The following AKAP13 variants were observed in gnomAD, a reference collection of about 807,000 sequenced individuals.
AKAP13 encodes A-kinase anchor protein 13.
A neutral mutation model predicts 264.5 loss-of-function variants in AKAP13; 80 were observed. The observed-to-expected ratio is 0.30, with a 90% CI of 0.25 to 0.36. AKAP13 has a LOEUF of 0.36. Ranked by LOEUF, AKAP13 falls within the 10% of genes least tolerant of loss-of-function variation. AKAP13 has a pLI of 1.00. For missense variants in AKAP13, 3,712 were observed against 3,435.2 expected (o/e 1.08, Z -2.01); for synonymous variants, 1,380 against 1,250.2 (o/e 1.10, Z -2.19).
intron 17 of AKAP13, among the ~76,000 whole-genome samples, chr15:85,694,154 T>C (rs1364681217): frequency 6.6e-6 from 1 of 152,238 alleles, no homozygotes; most frequent in Non-Finnish European, 1.5e-5. Context: ...TTTTATTCTA[T>C]TACTTTGGTA....
At chr15:85,725,217 T>C (rs537010703) in intron 26 of AKAP13, among the ~76,000 whole-genome samples, 2 of 152,176 alleles carry the variant, frequency 1.3e-5, no homozygotes, top group South Asian at 2.1e-4. Flanking sequence ...GAGATAGGAG[T>C]TGGTGTTTAG....
intron 8 of AKAP13, among the ~76,000 whole-genome samples, chr15:85,635,820 A>G (rs889184649): frequency 5.3e-5 from 8 of 152,166 alleles, no homozygotes; most frequent in African/African-American, 1.9e-4. Context: ...TCATTTGTTC[A>G]TAAGACTATT....
intron 1 of AKAP13, among the ~76,000 whole-genome samples, chr15:85,468,932 T>TTTTTTTGAGACGG (rs1567072793): frequency 7.3e-6 from 1 of 137,614 alleles, no homozygotes; most frequent in African/African-American, 3.0e-5. Flanking sequence ...TTTTTTTTTT[T>TTTTTTTGAGACGG]AATCAGACTT....
At chr15:85,642,987 T>G (rs1340665153) in intron 9 of AKAP13, among the ~76,000 whole-genome samples, 1 of 147,802 alleles carries the variant, frequency 6.8e-6, no homozygotes, top group Non-Finnish European at 1.5e-5. Context: ...ACCCACCAAC[T>G]CCTCCTAGGT....
At chr15:85,694,033 A>G (rs777947297) in intron 17 of AKAP13, among the ~76,000 whole-genome samples, 10 of 152,236 alleles carry the variant, frequency 6.6e-5, no homozygotes, top group Non-Finnish European at 8.8e-5. Flanking sequence ...ACTCTGTTCT[A>G]TGATCTCTAA....
chr15:85,608,258 G>C (rs2080441437), intron 8 of AKAP13, among the ~76,000 whole-genome samples: 1 of 152,100 alleles, frequency 6.6e-6, no homozygotes, highest in African/African-American at 2.4e-5. Context: ...TTTGTGTCTG[G>C]CCAGGAGTAT....
intron 1 of AKAP13, among the ~76,000 whole-genome samples, chr15:85,464,357 T>C (rs2074644611): frequency 6.6e-6 from 1 of 152,242 alleles, no homozygotes; most frequent in South Asian, 2.1e-4. Flanking sequence ...CCAGAGTTTA[T>C]AACTTTTGAG....
Position 85,648,817 on chromosome 15 carries a change from C to A in AKAP13, c.4374+2863C>A, listed in dbSNP as rs761172355. The stretch of plus-strand genomic sequence containing the variant: ...TGGCACCACTGCACTCCAGCCTGGG[C>A]GACAGAGCAAGACCCTGTCTCAAAA... On this transcript the variant is annotated intron_variant, in intron 10 of 36. Transcript: ENST00000394518. Among the ~76,000 whole-genome samples, 99 of 152,190 alleles carry A rather than the reference C, an allele frequency of 6.5e-4. 1 individual carries two copies. Among genetic ancestry groups the A allele is most frequent in the Middle Eastern group, 6.8e-3 (2 of 294 alleles).
At chr15:85,567,284 T>A (rs1369332647) in intron 5 of AKAP13, among the ~76,000 whole-genome samples, 2 of 152,042 alleles carry the variant, frequency 1.3e-5, no homozygotes. Flanking sequence ...ATTTTTGTAT[T>A]TTTAGTAGAG....
Position 85,743,793 on chromosome 15 carries a change from A to G in AKAP13, c.8360A>G (p.Lys2787Arg), listed in dbSNP as rs1232652047. Residue 2787 changes from lysine to arginine, a missense_variant, in exon 36 of 37, where the codon AAG becomes AGG. Coordinates refer to ENST00000394518, the MANE Select transcript of AKAP13 (RefSeq NM_007200.5). ...CCAAAGGAAAAGAAGGAGAAAAAAA[A>G]GAAGAACAAAACCAGCCGCTCTCAG... ...TKPKEKKEKK[K>R]KNKTSRSQPG... 1.2e-6 allele frequency: 2 copies of G among 1,611,652 alleles called. No homozygotes were observed. The highest frequency in any genetic ancestry group is 2.7e-5 in the African/African-American group (2 of 74,630).
intron 8 of AKAP13, among the ~76,000 whole-genome samples, chr15:85,608,856 T>C (rs2080471929): frequency 6.6e-6 from 1 of 152,248 alleles, no homozygotes; most frequent in African/African-American, 2.4e-5. Context: ...TGGATGAAGC[T>C]AAAGACTTTT....
chr15:85,528,602 C>G (rs1482471787), intron 3 of AKAP13, among the ~76,000 whole-genome samples: 7 of 152,154 alleles, frequency 4.6e-5, no homozygotes, highest in Non-Finnish European at 8.8e-5. Context: ...ATGACTTTCT[C>G]AGGATAACCA....
chr15:85,634,088 C>T (rs1382397491), intron 8 of AKAP13, among the ~76,000 whole-genome samples: 1 of 152,186 alleles, frequency 6.6e-6, no homozygotes, highest in Non-Finnish European at 1.5e-5. Context: ...TTGATGGCCC[C>T]TGATTCTTGC....
At chr15:85,643,211 T>G (rs1281489082) in intron 9 of AKAP13, among the ~76,000 whole-genome samples, 5 of 151,828 alleles carry the variant, frequency 3.3e-5, no homozygotes, top group Non-Finnish European at 5.9e-5. Context: ...TTTTTTTTTT[T>G]GTAATTCTTT....
chr15:85,744,253 C>G (rs961546248), intron 36 of AKAP13: 6 of 299,786 alleles, frequency 2.0e-5, no homozygotes, highest in Admixed American at 4.9e-5. Flanking sequence ...AACTAATGTG[C>G]CAGCGGCCAC....
chr15:85,620,462 A>G (rs2081132499), intron 8 of AKAP13, among the ~76,000 whole-genome samples: 1 of 152,114 alleles, frequency 6.6e-6, no homozygotes, highest in Non-Finnish European at 1.5e-5. Context: ...ACAGAGAGAG[A>G]AATTCACCTT....
At chr15:85,598,308 A>G (rs138875731) in intron 8 of AKAP13, among the ~76,000 whole-genome samples, 127 of 152,260 alleles carry the variant, frequency 8.3e-4, no homozygotes, top group African/African-American at 3.0e-3. Context: ...GAAGCATCAG[A>G]GCCTGTGTAG....
At chr15:85,421,279 A>G (rs2072507864) in intron 1 of AKAP13, among the ~76,000 whole-genome samples, 1 of 152,248 alleles carries the variant, frequency 6.6e-6, no homozygotes, top group South Asian at 2.1e-4. Flanking sequence ...AAAACTAAAA[A>G]TAGATGGAAG....
chr15:85,607,237 C>T (rs975390631), intron 8 of AKAP13, among the ~76,000 whole-genome samples: 2 of 152,080 alleles, frequency 1.3e-5, no homozygotes, highest in Non-Finnish European at 2.9e-5. Context: ...GAAGACTTCA[C>T]TTTTCCCTCT....
Sources: gnomAD v4.1 joint callset for allele counts (sites outside exome capture counted in the v4.1 genomes callset) on GRCh38, gnomAD v4.1.1 for gene constraint, MANE v1.5 for transcripts, NCBI Gene and HGNC (gene_info 2026-07-23, HGNC 2026-07-21) for gene names.